Variants in CAMKMT observed in about 807,000 individuals in gnomAD.
The protein encoded by CAMKMT is CaM KMT.
Under a neutral mutation model 48.0 loss-of-function variants are expected in CAMKMT, and 53 were observed. That is an observed-to-expected ratio of 1.10 (90% CI 0.89 to 1.39). The LOEUF (loss-of-function observed/expected upper bound fraction) is 1.39. Among genes scored for constraint, CAMKMT ranks in the 40% most tolerant of loss-of-function variants. The pLI, the probability that CAMKMT is intolerant of heterozygous loss-of-function variation, is 0.00. For synonymous variants in CAMKMT, 165 were observed against 152.3 expected, an observed-to-expected ratio of 1.08 and a Z score of -0.61; for missense variants, 428 against 402.7, an observed-to-expected ratio of 1.06 and a Z score of -0.54.
intron 5 of CAMKMT, 69 bp downstream of exon 5, chr2:44,706,410 A>G (rs1677563820): frequency 1.3e-6 from 2 of 1,488,094 alleles, no homozygotes; most frequent in Non-Finnish European, 1.9e-6. Flanking sequence ...CAGGGCCTCC[A>G]ACTGCTGGGT....
intron 3 of CAMKMT, among the ~76,000 whole-genome samples, chr2:44,552,439 T>A (rs751581261): frequency 1.1e-4 from 17 of 152,150 alleles, no homozygotes; most frequent in Admixed American, 3.3e-4. Context: ...ATTTCTAAAA[T>A]GGAAGATTTT....
At chr2:44,553,226 A>T (rs1349370230) in intron 3 of CAMKMT, among the ~76,000 whole-genome samples, 1 of 152,196 alleles carries the variant, frequency 6.6e-6, no homozygotes, top group African/African-American at 2.4e-5. Flanking sequence ...AGAAGGCCAC[A>T]TGTGTAGATA....
chr2:44,742,661 T>C (rs112842871), intron 7 of CAMKMT, among the ~76,000 whole-genome samples: 18 of 152,326 alleles, frequency 1.2e-4, no homozygotes, highest in African/African-American at 4.3e-4. Context: ...CTGGCATTAA[T>C]ATATATTAAT....
chr2:44,387,965 C>G (rs1006341311), intron 2 of CAMKMT, among the ~76,000 whole-genome samples: 1 of 152,140 alleles, frequency 6.6e-6, no homozygotes, highest in Non-Finnish European at 1.5e-5. Context: ...TCTTAAGAGT[C>G]TTTCCTTCAT....
At chr2:44,712,778 T>C (rs1264997775) in intron 6 of CAMKMT, among the ~76,000 whole-genome samples, 1 of 152,152 alleles carries the variant, frequency 6.6e-6, no homozygotes, top group Non-Finnish European at 1.5e-5. Flanking sequence ...ATCCTGGACA[T>C]ATCGACTCAA....
chr2:44,631,776 C>G, intron 3 of CAMKMT: 1 of 356,010 alleles, frequency 2.8e-6, no homozygotes, highest in Middle Eastern at 6.9e-4. Flanking sequence ...GTTCATTATT[C>G]TTTTTACCTC....
At chr2:44,588,707 G>GC (rs1246047944) in intron 3 of CAMKMT, among the ~76,000 whole-genome samples, 1 of 41,326 alleles carries the variant, frequency 2.4e-5, no homozygotes, top group African/African-American at 1.1e-4. Context: ...GGGGGGATCA[G>GC]CCCCCCGCCT....
At chr2:44,463,085 G>A (rs756548482) in intron 3 of CAMKMT, among the ~76,000 whole-genome samples, 4 of 152,156 alleles carry the variant, frequency 2.6e-5, no homozygotes, top group Non-Finnish European at 5.9e-5. Flanking sequence ...TCTTATTGTA[G>A]TATTGTAGTA....
intron 3 of CAMKMT, among the ~76,000 whole-genome samples, chr2:44,472,865 A>G (rs951727668): frequency 1.3e-5 from 2 of 152,254 alleles, no homozygotes; most frequent in Non-Finnish European, 2.9e-5. Flanking sequence ...GTCTTCTTAT[A>G]TAAGTTATCA....
At chr2:44,744,072 G>T (rs1409808904) in intron 8 of CAMKMT, among the ~76,000 whole-genome samples, 1 of 152,100 alleles carries the variant, frequency 6.6e-6, no homozygotes, top group Non-Finnish European at 1.5e-5. Flanking sequence ...TTACTTCTTA[G>T]GAGAGATCTG....
At chr2:44,437,678 G>A (rs1168275093) in intron 3 of CAMKMT, among the ~76,000 whole-genome samples, 2 of 151,888 alleles carry the variant, frequency 1.3e-5, no homozygotes, top group Non-Finnish European at 2.9e-5. Flanking sequence ...TGAAACCCCC[G>A]TCTCTACAAT....
chr2:44,388,923 A>G (rs905283106), intron 2 of CAMKMT, among the ~76,000 whole-genome samples: 1 of 152,020 alleles, frequency 6.6e-6, no homozygotes, highest in African/African-American at 2.4e-5. Context: ...GGGGGGTACA[A>G]TGGAGTCCGT....
chr2:44,615,179 G>T (rs892911147), intron 3 of CAMKMT, among the ~76,000 whole-genome samples: 1 of 151,900 alleles, frequency 6.6e-6, no homozygotes, highest in African/African-American at 2.4e-5. Flanking sequence ...CCCGACCTCA[G>T]CCTCCCAAAG....
intron 3 of CAMKMT, among the ~76,000 whole-genome samples, chr2:44,609,133 G>T (rs1965788): frequency 6.6e-6 from 1 of 151,994 alleles, no homozygotes; most frequent in Non-Finnish European, 1.5e-5. Flanking sequence ...ACTGTAGCTC[G>T]TGTCCTAAGA....
At chr2:44,408,953 G>A (rs1201595153) in intron 3 of CAMKMT, among the ~76,000 whole-genome samples, 1 of 151,360 alleles carries the variant, frequency 6.6e-6, no homozygotes, top group African/African-American at 2.4e-5. Context: ...CGTTGCCCAG[G>A]CTGGTCTTGA....
chr2:44,462,246 A>G (rs1198962196), intron 3 of CAMKMT, among the ~76,000 whole-genome samples: 1 of 152,196 alleles, frequency 6.6e-6, no homozygotes, highest in Non-Finnish European at 1.5e-5. Context: ...AATAAAACAT[A>G]TTCTCATTAC....
intron 3 of CAMKMT, among the ~76,000 whole-genome samples, chr2:44,545,014 T>C (rs1667319228): frequency 6.6e-6 from 1 of 152,218 alleles, no homozygotes; most frequent in South Asian, 2.1e-4. Context: ...CATAATACAC[T>C]GGTCCAAACA....
intron 3 of CAMKMT, among the ~76,000 whole-genome samples, chr2:44,505,407 T>C (rs1670209565): frequency 6.6e-6 from 1 of 152,204 alleles, no homozygotes; most frequent in Non-Finnish European, 1.5e-5. Flanking sequence ...TGAAGTCCAA[T>C]TTATTTTTCT....
intron 3 of CAMKMT, among the ~76,000 whole-genome samples, chr2:44,396,939 G>C (rs1397550924): frequency 2.6e-5 from 4 of 151,444 alleles, no homozygotes; most frequent in Non-Finnish European, 5.9e-5. Flanking sequence ...TGAGGCTGTA[G>C]TCTCAGCTAC....
Sources: allele counts gnomAD v4.1 joint callset (sites outside exome capture counted in the v4.1 genomes callset), GRCh38; gene constraint gnomAD v4.1.1; transcripts MANE v1.5; gene names NCBI Gene and HGNC (gene_info 2026-07-23, HGNC 2026-07-21).